ITIH5: variants seen among roughly 807,000 people sequenced by gnomAD.
ITIH5 encodes the protein inter-alpha-trypsin inhibitor heavy chain 5.
In ITIH5, 65 loss-of-function variants were observed where a neutral mutation model predicts 77.5. The observed-to-expected ratio is 0.84, with a 90% CI of 0.69 to 1.03. ITIH5 has a LOEUF of 1.03. ITIH5 is among the 50% of genes least tolerant of loss of function. The probability of loss-of-function intolerance (pLI) is 0.00; values close to 1 mark genes in which losing one functional copy is unlikely to be tolerated. For synonymous variants in ITIH5, 525 were observed against 494.3 expected, an observed-to-expected ratio of 1.06 and a Z score of -0.82; for missense variants, 1,208 against 1,213.1, an observed-to-expected ratio of 1.00 and a Z score of 0.06.
intron 5 of ITIH5, among the ~76,000 whole-genome samples, chr10:7,632,009 G>C (rs1436636325): frequency 6.6e-6 from 1 of 151,072 alleles, no homozygotes; most frequent in South Asian, 2.1e-4. Flanking sequence ...ATGTTGGCCA[G>C]GCTGGTCTTG....
chr10:7,655,541 G>A (rs11255267), intron 2 of ITIH5, 90 bp downstream of exon 2: 324,439 of 1,013,822 alleles, frequency 0.32, 54,267 homozygotes, highest in Non-Finnish European at 0.34. Flanking sequence ...TATATGTTTT[G>A]GAGGATCTGC....
In ITIH5 at chr10:7,563,063, C is replaced by A. The variant is rs1201531531; in HGVS notation, c.*20G>T. The A allele has an allele frequency of 6.2e-7, 1 of 1,610,652 alleles. No individual in the cohort carries two copies. Among genetic ancestry groups the A allele is most frequent in the Non-Finnish European group, 8.5e-7 (1 of 1,176,876 alleles). On this transcript the variant is annotated 3_prime_UTR_variant, in exon 14 of 14. Coordinates refer to ENST00000397146, the MANE Select transcript of ITIH5 (RefSeq NM_030569.7). ...CACATCACTGTCCTTCATGCACTTG[C>A]ATCTTTAAGGCTGCCAGCTTCAGAG... is the stretch of plus-strand genomic sequence containing the variant.
rs1564232861 is a variant in ITIH5 at position 7,566,911 on chromosome 10, GAAGAAGAAGAA to G, written c.2150-515_2150-505del. On this transcript the variant is annotated intron_variant, in intron 12 of 13. Coordinates refer to ENST00000397146, the MANE Select transcript of ITIH5 (RefSeq NM_030569.7). ...AGAAGAAGAAGAAGAAGAAGAAGAA[GAAGAAGAAGAA>G]AAGAAAAGAAAATCTATCCCTGCCC... Among the ~76,000 whole-genome samples the G allele has an allele frequency of 5.4e-4, 56 of 102,816 alleles. 12 individuals carry two copies. The highest frequency in any genetic ancestry group is 1.6e-3 in the African/African-American group (42 of 25,572). The allele number at this position is 102,816 out of a possible 152,430, so 67.5% of individuals were successfully genotyped here. A position where few individuals can be genotyped will look rare whatever the true frequency, so the allele number is the denominator to read the frequency against.
At chr10:7,592,063 G>T (rs944812393) in intron 7 of ITIH5, among the ~76,000 whole-genome samples, 2 of 152,052 alleles carry the variant, frequency 1.3e-5, no homozygotes, top group Non-Finnish European at 2.9e-5. Flanking sequence ...TAGAGACAGG[G>T]TCTCACTATG....
At chr10:7,591,523 C>G (rs941207177) in intron 7 of ITIH5, among the ~76,000 whole-genome samples, 2 of 152,084 alleles carry the variant, frequency 1.3e-5, no homozygotes, top group African/African-American at 4.8e-5. Flanking sequence ...GACACGTACC[C>G]CAGCTACACA....
At chr10:7,587,572 G>A (rs145929750) in intron 7 of ITIH5, among the ~76,000 whole-genome samples, 3 of 152,230 alleles carry the variant, frequency 2.0e-5, no homozygotes, top group Admixed American at 1.3e-4. Flanking sequence ...ATATCACTGC[G>A]CCCAAGTTAC....
chr10:7,658,302 C>G (rs75208270), intron 1 of ITIH5, among the ~76,000 whole-genome samples: 2,025 of 152,208 alleles, frequency 0.013, 43 homozygotes, highest in African/African-American at 0.047. Flanking sequence ...GCTTTATCTC[C>G]CCACCCAAAA....
intron 5 of ITIH5, 170 bp from the exon 6 acceptor site, chr10:7,617,452 A>T (rs956467709): frequency 6.6e-6 from 3 of 454,916 alleles, no homozygotes; most frequent in Non-Finnish European, 1.1e-5. Context: ...TTATGTCATC[A>T]TATAGTTTCC....
chr10:7,630,187 T>C (rs1833690355), intron 5 of ITIH5, among the ~76,000 whole-genome samples: 1 of 152,242 alleles, frequency 6.6e-6, no homozygotes, highest in South Asian at 2.1e-4. Context: ...AAGTTTAATT[T>C]ACACACCATA....
In ITIH5 at chr10:7,650,977, T is replaced by TC. The variant is rs138279092; in HGVS notation, c.135+4653dup. Among the ~76,000 whole-genome samples, 96 of 57,572 alleles carry TC rather than the reference T, an allele frequency of 1.7e-3. 2 individuals carry two copies. In the East Asian group the frequency reaches 0.044, roughly 26 times the overall value. 37.8% of individuals were successfully genotyped at this position (57,572 alleles called of 152,430 possible). On this transcript the variant is annotated intron_variant, in intron 2 of 13. Transcript: ENST00000397146. Reference sequence around the variant, plus strand: ...TTTTTATACAAGAAAACCCTCCCCCTCCCCCGCCCCATTCTATACACTTCC... The same window carrying TC: ...TTTTTATACAAGAAAACCCTCCCCCTCCCCCCGCCCCATTCTATACACTTCC...
intron 9 of ITIH5, among the ~76,000 whole-genome samples, chr10:7,579,457 A>G (rs778299927): frequency 1.3e-5 from 2 of 152,124 alleles, no homozygotes; most frequent in Admixed American, 6.5e-5. Flanking sequence ...CCCAGGAAGC[A>G]GAGGTTGCAG....
intron 6 of ITIH5, among the ~76,000 whole-genome samples, chr10:7,616,764 G>A (rs1389614789): frequency 6.6e-6 from 1 of 152,124 alleles, no homozygotes; most frequent in Non-Finnish European, 1.5e-5. Context: ...GGAGACGAAG[G>A]TTGCAGTGAG....
rs369790289 is a variant in ITIH5, at chr10:7,576,715, G to A, written c.1716C>T (p.His572=). The change falls in exon 10 of 14, where the codon CAC becomes CAT. Residue 572 remains histidine (H), a synonymous_variant. Transcript: ENST00000397146. The stretch of plus-strand genomic sequence containing the variant: ...TGAGGTAGCTCCAGAGACGCTCGAT[G>A]TGGTTGGTGTCCCCCTCTCCATCGC... The part of the protein sequence containing the change: ...PGGDGEGDTN[H]IERLWSYLTT... 5.0e-6 allele frequency: 8 copies of A among 1,614,058 alleles called. No individual in the cohort carries two copies. In the African/African-American group the frequency reaches 1.1e-4, roughly 22 times the overall value.
At chr10:7,579,730 A>G (rs1832500763) in intron 9 of ITIH5, 25 bp downstream of exon 9, 1 of 1,604,374 alleles carries the variant, frequency 6.2e-7, no homozygotes, top group Non-Finnish European at 8.5e-7. Flanking sequence ...ACAGCCTCTC[A>G]TGCCTACGAA....
intron 2 of ITIH5, among the ~76,000 whole-genome samples, chr10:7,644,829 A>ATATATATCACATATATAT (rs1368097674): frequency 3.9e-4 from 40 of 102,142 alleles, no homozygotes; most frequent in Non-Finnish European, 5.7e-4. Flanking sequence ...CATATATATC[A>ATATATATCACATATATAT]CATATATATC....
intron 7 of ITIH5, 69 bp from the exon 8 acceptor site, chr10:7,586,138 A>C (rs1832674290): frequency 4.4e-6 from 6 of 1,365,504 alleles, no homozygotes; most frequent in East Asian, 2.5e-5. Flanking sequence ...TGTTCTAGAA[A>C]CCGCCCCCGC....
At chr10:7,623,756 T>C (rs1177259829) in intron 5 of ITIH5, among the ~76,000 whole-genome samples, 1 of 147,518 alleles carries the variant, frequency 6.8e-6, no homozygotes, top group Non-Finnish European at 1.5e-5. Context: ...TGAGCCGAGA[T>C]TGCACCACTG....
intron 2 of ITIH5, among the ~76,000 whole-genome samples, chr10:7,649,904 C>T (rs1018003822): frequency 6.6e-6 from 1 of 152,176 alleles, no homozygotes; most frequent in Admixed American, 6.5e-5. Context: ...TCCCAGTGCA[C>T]GGTTCTTAAA....
intron 11 of ITIH5, chr10:7,572,675 G>A (rs1832324810): frequency 3.7e-6 from 1 of 271,024 alleles, no homozygotes; most frequent in South Asian, 4.1e-5. Context: ...TTTCATAACA[G>A]CTGCACTTCT....
Sources: allele counts gnomAD v4.1 joint callset (sites outside exome capture counted in the v4.1 genomes callset), GRCh38; gene constraint gnomAD v4.1.1; transcripts MANE v1.5; gene names NCBI Gene and HGNC (gene_info 2026-07-23, HGNC 2026-07-21).